The following ZNF469 variants were observed in gnomAD, a reference collection of about 807,000 sequenced individuals.
ZNF469 encodes zinc finger protein 469.
A neutral mutation model predicts 1.0 loss-of-function variants in ZNF469; 1 was observed. The ratio of observed to expected loss-of-function variants is 1.00; its 90% CI spans 0.35 to 4.73. The LOEUF (loss-of-function observed/expected upper bound fraction) is 4.73. ZNF469 is among the 30% of genes most tolerant of loss of function. The pLI is 0.16. For synonymous variants in ZNF469, 2,703 were observed against 2,363.4 expected, an observed-to-expected ratio of 1.14 and a Z score of -4.17; for missense variants, 6,100 against 5,356.3, an observed-to-expected ratio of 1.14 and a Z score of -4.33.
chr16:88,234,877 A>T, the ZNF469 span: 2 of 151,926 alleles, frequency 1.3e-5, no homozygotes, highest in Non-Finnish European at 2.9e-5. Context: ...ACAGGAAGGG[A>T]GGAAAACAGG....
the ZNF469 span, chr16:88,191,665 T>A: frequency 6.6e-6 from 1 of 152,300 alleles, no homozygotes; most frequent in Admixed American, 6.5e-5. Context: ...TTGCTGGGGC[T>A]GCTTCCTTCC....
the ZNF469 span, among the ~76,000 whole-genome samples, chr16:88,366,856 C>T: frequency 1.4e-4 from 21 of 152,016 alleles, no homozygotes; most frequent in African/African-American, 4.8e-4. Flanking sequence ...ATCACTACCA[C>T]ACCATCAACA....
upstream of ZNF469, among the ~76,000 whole-genome samples, chr16:88,379,276 A>G (rs1247582258): frequency 6.6e-6 from 1 of 151,950 alleles, no homozygotes; most frequent in Non-Finnish European, 1.5e-5. Flanking sequence ...GGCTGTGGGT[A>G]AGTCTAGTCA....
intron 1 of ZNF469, among the ~76,000 whole-genome samples, chr16:88,404,012 T>G (rs2142277224): frequency 6.6e-6 from 1 of 152,354 alleles, no homozygotes; most frequent in South Asian, 2.1e-4. Context: ...AAACACAGCC[T>G]CTGTGCCGCC....
rs141353027 is a variant in ZNF469 at position 88,416,460 on chromosome 16, A to C, written c.-191-8347A>C. Among the ~76,000 whole-genome samples the C allele has an allele frequency of 5.6e-3, 858 of 152,220 alleles. 8 individuals are homozygous for C. Among genetic ancestry groups the C allele is most frequent in the African/African-American group, 0.02 (816 of 41,522 alleles). The stretch of plus-strand genomic sequence containing the variant: ...CCTACCTCCCACCCAGACCAGCTTC[A>C]CACTGTCACACGTTGTGATCTTAGT... On this transcript the variant is annotated intron_variant, in intron 1 of 2. Coordinates refer to ENST00000565624, the MANE Select transcript of ZNF469 (RefSeq NM_001367624.2).
At chr16:88,360,279 C>T in the ZNF469 span, among the ~76,000 whole-genome samples, 1 of 152,236 alleles carries the variant, frequency 6.6e-6, no homozygotes, top group Non-Finnish European at 1.5e-5. Flanking sequence ...CTCGGCCTCC[C>T]ATAGTGCTGG....
chr16:88,251,536 G>GTGTTTTTTTTTTTTTTTTTTTTTTTTTTT, the ZNF469 span, among the ~76,000 whole-genome samples: 6 of 78,812 alleles, frequency 7.6e-5, 1 homozygote, highest in Non-Finnish European at 7.0e-5. Context: ...TGTCCCTGCT[G>GTGTTTTTTTTTTTTTTTTTTTTTTTTTTT]TCTTTTTTTT....
the ZNF469 span, among the ~76,000 whole-genome samples, chr16:88,279,262 G>A: frequency 8.7e-5 from 13 of 150,260 alleles, no homozygotes; most frequent in Admixed American, 1.3e-4. Context: ...GCCGATGCTC[G>A]GTCAGTACCG....
chr16:88,242,662 C>T, the ZNF469 span, among the ~76,000 whole-genome samples: 2 of 152,390 alleles, frequency 1.3e-5, no homozygotes, highest in South Asian at 2.1e-4. Context: ...GCCTGACCAC[C>T]GCCCCCTTTC....
chr16:88,167,426 T>C, the ZNF469 span, among the ~76,000 whole-genome samples: 1 of 152,206 alleles, frequency 6.6e-6, no homozygotes, highest in African/African-American at 2.4e-5. Flanking sequence ...AAGAATCTCC[T>C]TGACTCCGGC....
At chr16:88,178,338 G>C in the ZNF469 span, 2 of 152,274 alleles carry the variant, frequency 1.3e-5, no homozygotes, top group Non-Finnish European at 2.9e-5. Flanking sequence ...AGGAAGGAGG[G>C]GAGCTGCAGG....
chr16:88,332,719 G>A, the ZNF469 span, among the ~76,000 whole-genome samples: 3 of 152,160 alleles, frequency 2.0e-5, no homozygotes, highest in Admixed American at 6.5e-5. Context: ...GGATGGGGGA[G>A]GGGGGGCTGC....
chr16:88,415,282 G>A (rs1905274517), intron 1 of ZNF469, among the ~76,000 whole-genome samples: 1 of 152,154 alleles, frequency 6.6e-6, no homozygotes, highest in South Asian at 2.1e-4. Context: ...GGGGCCGGGA[G>A]CCTCCACCAC....
intron 1 of ZNF469, among the ~76,000 whole-genome samples, chr16:88,416,553 G>T (rs74556181): frequency 0.079 from 11,961 of 152,276 alleles, 625 homozygotes; most frequent in African/African-American, 0.13. Flanking sequence ...GACCCAGAGA[G>T]TCTGGGTAGG....
the ZNF469 span, among the ~76,000 whole-genome samples, chr16:88,130,023 T>C: frequency 6.6e-6 from 1 of 151,698 alleles, no homozygotes; most frequent in Non-Finnish European, 1.5e-5. Context: ...CAGAAGTTTC[T>C]GTAGTTTTCT....
chr16:88,237,579 T>C, the ZNF469 span, among the ~76,000 whole-genome samples: 6 of 90,374 alleles, frequency 6.6e-5, no homozygotes, highest in African/African-American at 1.5e-4. Context: ...TCCGTGCTCC[T>C]GCCACTCACC....
chr16:88,360,987 T>G, the ZNF469 span, among the ~76,000 whole-genome samples: 2 of 152,226 alleles, frequency 1.3e-5, no homozygotes, highest in Non-Finnish European at 2.9e-5. Flanking sequence ...CTATTATTAT[T>G]ACATTGCAAT....
At chr16:88,146,345 C>T in the ZNF469 span, among the ~76,000 whole-genome samples, 2 of 152,178 alleles carry the variant, frequency 1.3e-5, no homozygotes, top group African/African-American at 4.8e-5. Context: ...GTCTTTGTGC[C>T]TGCTCCATTT....
In ZNF469 at chr16:88,437,782, A is replaced by T; in HGVS notation, c.10312A>T (p.Asn3438Tyr). ...AKKEQFDRHM[N>Y]KHLRGGRQPF... ...GAAGGAGCAGTTCGACCGCCACATG[A>T]ACAAGCACCTCAGGGGGGGGCGGCA... The change falls in exon 3 of 3, where the codon AAC becomes TAC. Residue 3438 changes from asparagine to tyrosine, a missense_variant. Physicochemically the swap from Asn to Tyr is moderately radical, Grantham distance 143. Transcript: ENST00000565624. 1.3e-6 allele frequency: 2 copies of T among 1,549,380 alleles called. No homozygotes were observed. The highest frequency in any genetic ancestry group is 1.7e-6 in the Non-Finnish European group (2 of 1,146,334).
Sources: allele counts gnomAD v4.1 joint callset (sites outside exome capture counted in the v4.1 genomes callset), GRCh38; gene constraint gnomAD v4.1.1; transcripts MANE v1.5; gene names NCBI Gene and HGNC (gene_info 2026-07-23, HGNC 2026-07-21).